IGF2BP2: variants seen among roughly 807,000 people sequenced by gnomAD.
The protein encoded by IGF2BP2 is insulin-like growth factor 2 mRNA-binding protein 2.
Under a neutral mutation model 75.8 loss-of-function variants are expected in IGF2BP2, and 17 were observed. The observed-to-expected ratio is 0.22, with a 90% CI of 0.15 to 0.34. The LOEUF is 0.34. Ranked by LOEUF, IGF2BP2 falls within the 10% of genes least tolerant of loss-of-function variation. IGF2BP2 has a pLI of 1.00. For synonymous variants in IGF2BP2, 288 were observed against 295.6 expected, an observed-to-expected ratio of 0.97 and a Z score of 0.26; for missense variants, 516 against 772.4, an observed-to-expected ratio of 0.67 and a Z score of 3.93.
At chr3:185,693,094 T>C (rs984927841) in intron 4 of IGF2BP2, 1 of 197,766 alleles carries the variant, frequency 5.1e-6, no homozygotes, top group East Asian at 1.3e-4. Flanking sequence ...AAATGTACCA[T>C]GACTTGCCTA....
intron 2 of IGF2BP2, among the ~76,000 whole-genome samples, chr3:185,793,717 G>C (rs924741506): frequency 1.3e-5 from 2 of 152,122 alleles, no homozygotes; most frequent in African/African-American, 2.4e-5. Context: ...GTAAGAAACT[G>C]ATTTCTTCTG....
At chr3:185,702,146 T>C (rs1205753462) in intron 2 of IGF2BP2, among the ~76,000 whole-genome samples, 5 of 152,170 alleles carry the variant, frequency 3.3e-5, no homozygotes, top group Admixed American at 3.3e-4. Flanking sequence ...CCCGCGGTGA[T>C]TTCATCAAGG....
intron 10 of IGF2BP2, among the ~76,000 whole-genome samples, chr3:185,666,774 G>A (rs1418711953): frequency 6.6e-6 from 1 of 152,118 alleles, no homozygotes. Context: ...GGAAAAAAAT[G>A]TGTATTTTCA....
intron 2 of IGF2BP2, among the ~76,000 whole-genome samples, chr3:185,745,808 G>A (rs999441072): frequency 6.6e-6 from 1 of 151,826 alleles, no homozygotes. Flanking sequence ...AATATCACTC[G>A]CACCATTTCG....
At chr3:185,694,612 C>T (rs1722346100) in intron 4 of IGF2BP2, among the ~76,000 whole-genome samples, 1 of 152,208 alleles carries the variant, frequency 6.6e-6, no homozygotes, top group African/African-American at 2.4e-5. Context: ...TGTTGTTAGG[C>T]AGCTGGAAAC....
intron 5 of IGF2BP2, among the ~76,000 whole-genome samples, chr3:185,689,892 C>A (rs890392706): frequency 3.3e-5 from 5 of 150,324 alleles, no homozygotes; most frequent in Non-Finnish European, 5.9e-5. Context: ...GGCGTGAACC[C>A]GGGAGGCGGA....
chr3:185,669,943 T>C lies in IGF2BP2; in HGVS notation c.1200+2598A>G, dbSNP rs1718263791. On this transcript the variant is annotated intron_variant, in intron 10 of 15. Coordinates refer to ENST00000382199, the MANE Select transcript of IGF2BP2 (RefSeq NM_006548.6). ...TCCAGGTATCACTCCAGGAATAGCCTAGGTCCTGCACAGGTGGGCAGTGAG... is the reference window on the plus strand; with the variant it reads ...TCCAGGTATCACTCCAGGAATAGCCCAGGTCCTGCACAGGTGGGCAGTGAG... Among the ~76,000 whole-genome samples, 4 of 152,318 alleles carry C rather than the reference T, an allele frequency of 2.6e-5. No individual in the cohort carries two copies. In the South Asian group the frequency reaches 8.3e-4, roughly 32 times the overall value.
intron 2 of IGF2BP2, chr3:185,821,204 GA>G: frequency 7.7e-7 from 1 of 1,303,358 alleles, no homozygotes; most frequent in Admixed American, 3.1e-5. Context: ...CATCCAATCA[GA>G]AATGATGTAA....
rs1713102090 is a variant in IGF2BP2 at position 185,644,069 on chromosome 3, C to T, written c.*1462G>A. 1 of 152,064 alleles carries T rather than the reference C, an allele frequency of 6.6e-6. No individual in the cohort carries two copies. Among genetic ancestry groups the T allele is most frequent in the African/African-American group, 2.4e-5 (1 of 41,274 alleles). The allele number at this position is 152,064 out of a possible 1,614,324, so 9.4% of individuals were successfully genotyped here. On this transcript the variant is annotated 3_prime_UTR_variant, in exon 16 of 16. Transcript: ENST00000382199. ...AAGACAATTCAGAACAGCTGTTGCA[C>T]ACTTGGACTGTCACCTTCTCCAGGC...
chr3:185,804,197 G>A (rs533397166), intron 2 of IGF2BP2, among the ~76,000 whole-genome samples: 76 of 150,996 alleles, frequency 5.0e-4, no homozygotes, highest in Middle Eastern at 3.4e-3. Context: ...CAGAGGTTGC[G>A]GTGAGCCGAG....
At chr3:185,660,551 C>A (rs758515946) in intron 10 of IGF2BP2, among the ~76,000 whole-genome samples, 1 of 152,184 alleles carries the variant, frequency 6.6e-6, no homozygotes, top group East Asian at 1.9e-4. Flanking sequence ...CCACTTAACA[C>A]GGCTGTAGTG....
At chr3:185,754,638 T>G (rs1731367068) in intron 2 of IGF2BP2, among the ~76,000 whole-genome samples, 1 of 151,868 alleles carries the variant, frequency 6.6e-6, no homozygotes, top group African/African-American at 2.4e-5. Context: ...GTGACTAAAA[T>G]GCTGATAGAG....
intron 10 of IGF2BP2, among the ~76,000 whole-genome samples, chr3:185,665,503 A>AGGAGG (rs1560252056): frequency 6.1e-4 from 16 of 26,088 alleles, no homozygotes; most frequent in Admixed American, 1.0e-3. Flanking sequence ...GGAGGAGGAG[A>AGGAGG]AGGAGGAGGA....
Position 185,687,052 on chromosome 3 carries a change from C to T in IGF2BP2, c.812+5G>A. On this transcript the variant is annotated splice_donor_5th_base_variant and intron_variant, in intron 7 of 15. Coordinates refer to ENST00000382199, the MANE Select transcript of IGF2BP2 (RefSeq NM_006548.6). ...GAGTGATCTGGGCATTGCATGCAAA[C>T]TTACAGTTTGGTCTCATCTGCCTCT... 6.2e-7 allele frequency: 1 copy of T among 1,611,690 alleles called. No individual in the cohort carries two copies. Among genetic ancestry groups the T allele is most frequent in the South Asian group, 1.1e-5 (1 of 90,762 alleles).
At chr3:185,719,585 G>A (rs1382621755) in intron 2 of IGF2BP2, among the ~76,000 whole-genome samples, 3 of 152,204 alleles carry the variant, frequency 2.0e-5, no homozygotes, top group Non-Finnish European at 2.9e-5. Flanking sequence ...CGTAATCCCA[G>A]CACTTTGGGA....
chr3:185,744,874 T>G (rs1324120823), intron 2 of IGF2BP2, among the ~76,000 whole-genome samples: 1 of 152,244 alleles, frequency 6.6e-6, no homozygotes, highest in African/African-American at 2.4e-5. Flanking sequence ...CAGCATATCA[T>G]GTTTTCATAC....
intron 2 of IGF2BP2, among the ~76,000 whole-genome samples, chr3:185,808,117 TAAAAAAAAAAAA>T (rs1188624871): frequency 0.016 from 1,994 of 128,056 alleles, 47 homozygotes; most frequent in African/African-American, 0.055. Flanking sequence ...TCGTTTCTTT[TAAAAAAAAAAAA>T]AAAAAAGAAA....
chr3:185,672,339 G>A (rs969161209), intron 10 of IGF2BP2, among the ~76,000 whole-genome samples: 4 of 152,214 alleles, frequency 2.6e-5, no homozygotes, highest in Admixed American at 6.5e-5. Context: ...TTAAGAACAC[G>A]TGTTTAGAGG....
At chr3:185,701,055 TAAAAG>T (rs1723222802) in intron 2 of IGF2BP2, among the ~76,000 whole-genome samples, 2 of 152,294 alleles carry the variant, frequency 1.3e-5, no homozygotes, top group South Asian at 4.1e-4. Flanking sequence ...ATTTAGTTGG[TAAAAG>T]AATACTTTTA....
Sources: gnomAD v4.1 joint callset for allele counts (sites outside exome capture counted in the v4.1 genomes callset) on GRCh38, gnomAD v4.1.1 for gene constraint, MANE v1.5 for transcripts, NCBI Gene and HGNC (gene_info 2026-07-23, HGNC 2026-07-21) for gene names.